TANC2: variants seen among roughly 807,000 people sequenced by gnomAD.
TANC2 encodes the protein tetratricopeptide repeat, ankyrin repeat and coiled-coil containing 2, also known as protein TANC2.
In TANC2, 26 loss-of-function variants were observed where a neutral mutation model predicts 210.5. That is an observed-to-expected ratio of 0.12 (90% CI 0.09 to 0.17). TANC2 has a LOEUF of 0.17. Ranked by LOEUF, TANC2 falls within the 10% of genes least tolerant of loss-of-function variation. The pLI is 1.00. For synonymous variants in TANC2, 931 were observed against 967.1 expected, an observed-to-expected ratio of 0.96 and a Z score of 0.69; for missense variants, 2,129 against 2,608.9, an observed-to-expected ratio of 0.82 and a Z score of 4.01.
chr17:63,167,317 A>G (rs912824917), intron 5 of TANC2, among the ~76,000 whole-genome samples: 3 of 152,204 alleles, frequency 2.0e-5, no homozygotes, highest in Admixed American at 1.3e-4. Context: ...CTCAAAAATG[A>G]TAATATAATG....
intron 8 of TANC2, among the ~76,000 whole-genome samples, chr17:63,244,907 T>C (rs945795456): frequency 7.2e-5 from 11 of 152,150 alleles, no homozygotes; most frequent in African/African-American, 2.4e-4. Flanking sequence ...GAGTATGTCA[T>C]GTAAGAGGTG....
intron 26 of TANC2, among the ~76,000 whole-genome samples, chr17:63,417,050 G>C (rs1599084827): frequency 1.3e-5 from 2 of 152,170 alleles, no homozygotes; most frequent in East Asian, 3.8e-4. Context: ...GGTCCCAAAA[G>C]AACAAATAAA....
chr17:63,129,364 G>T (rs930985147), intron 4 of TANC2, among the ~76,000 whole-genome samples: 2 of 152,072 alleles, frequency 1.3e-5, no homozygotes, highest in Admixed American at 1.3e-4. Context: ...AGCTGTGTGA[G>T]TTTTTTACAT....
intron 2 of TANC2, among the ~76,000 whole-genome samples, chr17:63,038,515 C>T (rs998521408): frequency 2.6e-5 from 4 of 151,986 alleles, no homozygotes; most frequent in Non-Finnish European, 4.4e-5. Flanking sequence ...GTTTGACATT[C>T]GAGTAATTCC....
intron 7 of TANC2, 96 bp downstream of exon 7, chr17:63,201,053 T>C: frequency 9.0e-7 from 1 of 1,114,450 alleles, no homozygotes; most frequent in Non-Finnish European, 1.3e-6. Context: ...GCTTTTGAAT[T>C]GTTGAGATGT....
intron 9 of TANC2, among the ~76,000 whole-genome samples, chr17:63,307,026 C>T (rs1172691169): frequency 1.3e-5 from 2 of 152,220 alleles, no homozygotes; most frequent in East Asian, 1.9e-4. Context: ...GTAGCATTTA[C>T]GCTGAAACAA....
At chr17:63,110,861 A>G (rs1190572654) in intron 4 of TANC2, among the ~76,000 whole-genome samples, 1 of 152,220 alleles carries the variant, frequency 6.6e-6, no homozygotes, top group East Asian at 1.9e-4. Flanking sequence ...ATTGTTAAAC[A>G]TGGCAGACTT....
intron 14 of TANC2, among the ~76,000 whole-genome samples, chr17:63,363,852 A>G (rs940336079): frequency 6.6e-6 from 1 of 152,200 alleles, no homozygotes; most frequent in Non-Finnish European, 1.5e-5. Context: ...ACACTTGACT[A>G]TTAGTAGATG....
chr17:63,097,249 G>A (rs558063705), intron 3 of TANC2, among the ~76,000 whole-genome samples: 32 of 152,018 alleles, frequency 2.1e-4, no homozygotes, highest in African/African-American at 7.0e-4. Context: ...ATCCCACTCC[G>A]TTGCCCAGGC....
chr17:63,113,959 T>A (rs1391322469), intron 4 of TANC2, among the ~76,000 whole-genome samples: 2 of 152,230 alleles, frequency 1.3e-5, no homozygotes, highest in African/African-American at 2.4e-5. Context: ...TGTTTCTGAT[T>A]TCTGAAAACG....
intron 7 of TANC2, among the ~76,000 whole-genome samples, chr17:63,214,380 A>G (rs921869340): frequency 6.6e-6 from 1 of 152,216 alleles, no homozygotes; most frequent in Non-Finnish European, 1.5e-5. Flanking sequence ...ACCCATGAGA[A>G]TTGTTCAAAT....
chr17:63,123,073 A>G (rs1452467871), intron 4 of TANC2, among the ~76,000 whole-genome samples: 7 of 152,220 alleles, frequency 4.6e-5, no homozygotes, highest in Non-Finnish European at 1.0e-4. Flanking sequence ...ATAAAGAGAA[A>G]AAGATTTTGG....
At chr17:63,349,972 T>G (rs896233306) in intron 12 of TANC2, among the ~76,000 whole-genome samples, 2 of 152,192 alleles carry the variant, frequency 1.3e-5, no homozygotes, top group Non-Finnish European at 2.9e-5. Context: ...TTCATTTCAC[T>G]CCCTAAAAAC....
chr17:63,240,262 G>A (rs1241815188), intron 8 of TANC2, among the ~76,000 whole-genome samples: 7 of 152,182 alleles, frequency 4.6e-5, no homozygotes, highest in Admixed American at 2.0e-4. Flanking sequence ...TATTATTTGA[G>A]AAAGGCACTG....
chr17:63,394,019 G>A (rs545460033), intron 17 of TANC2, among the ~76,000 whole-genome samples: 55 of 152,144 alleles, frequency 3.6e-4, no homozygotes, highest in Non-Finnish European at 6.6e-4. Flanking sequence ...TGATCCACCC[G>A]CCTCGGCCTC....
intron 4 of TANC2, among the ~76,000 whole-genome samples, chr17:63,108,165 G>A (rs1432160384): frequency 1.3e-5 from 2 of 151,662 alleles, no homozygotes; most frequent in Non-Finnish European, 2.9e-5. Context: ...AGGCATAAAT[G>A]AGTTAAGGCA....
chr17:63,353,300 A>G (rs1201917169), intron 13 of TANC2, among the ~76,000 whole-genome samples: 1 of 152,184 alleles, frequency 6.6e-6, no homozygotes, highest in African/African-American at 2.4e-5. Flanking sequence ...AGACTCAAGA[A>G]TGAATCCTGG....
At chr17:63,199,010 T>C (rs1315221225) in intron 6 of TANC2, among the ~76,000 whole-genome samples, 1 of 152,158 alleles carries the variant, frequency 6.6e-6, no homozygotes, top group Non-Finnish European at 1.5e-5. Context: ...CACTTGTTTT[T>C]GGTTGAGTCA....
chr17:63,365,359 T>A (rs753196941), intron 14 of TANC2, among the ~76,000 whole-genome samples: 2 of 150,750 alleles, frequency 1.3e-5, no homozygotes, highest in Non-Finnish European at 3.0e-5. Context: ...CAAATTTTAC[T>A]TGCAAGTATC....
Sources: gnomAD v4.1 joint callset for allele counts (sites outside exome capture counted in the v4.1 genomes callset) on GRCh38, gnomAD v4.1.1 for gene constraint, MANE v1.5 for transcripts, NCBI Gene and HGNC (gene_info 2026-07-23, HGNC 2026-07-21) for gene names.